The following KCNJ12 variants were observed in gnomAD, a reference collection of about 807,000 sequenced individuals.
KCNJ12 encodes the protein potassium inwardly rectifying channel subfamily J member 12.
A neutral mutation model predicts 22.3 loss-of-function variants in KCNJ12; 2 were observed. The observed-to-expected ratio is 0.09, with a 90% confidence interval of 0.04 to 0.28. The LOEUF is 0.28. KCNJ12 is among the 10% of genes least tolerant of loss of function. The pLI, the probability that KCNJ12 is intolerant of heterozygous loss-of-function variation, is 1.00. For missense variants in KCNJ12, 155 were observed against 633.3 expected (o/e 0.24, Z 8.11); for synonymous variants, 117 against 261.4 (o/e 0.45, Z 5.33).
chr17:21,382,877 C>T (rs1441170438), intron 1 of KCNJ12, among the ~76,000 whole-genome samples: 1 of 152,216 alleles, frequency 6.6e-6, no homozygotes, highest in Non-Finnish European at 1.5e-5. Flanking sequence ...TCTCAGCCCT[C>T]CCTGCCTCCA....
At position 21,379,393 on chromosome 17, in the gene KCNJ12, C is replaced by A. The variant is rs907770602; in HGVS notation, c.-179+2480C>A. Among the ~76,000 whole-genome samples the A allele has an allele frequency of 7.2e-5, 11 of 152,324 alleles. No homozygotes were observed. In the East Asian group the frequency reaches 2.1e-3, roughly 29 times the overall value. The stretch of plus-strand genomic sequence containing the variant: ...GGTACACACGGTGCCCACCCAGTGG[C>A]CACCCTCACCCCCCCTGCTCCCAGG... On this transcript the variant is annotated intron_variant, in intron 1 of 2. Coordinates refer to ENST00000583088, the MANE Select transcript of KCNJ12 (RefSeq NM_021012.5).
chr17:21,399,519 A>G (rs557849715), intron 1 of KCNJ12, among the ~76,000 whole-genome samples: 1 of 152,296 alleles, frequency 6.6e-6, no homozygotes, highest in Admixed American at 6.5e-5. Flanking sequence ...AGTACAGCAC[A>G]GCAGGGGCCA....
chr17:21,406,005 G>A (rs1319871244), intron 1 of KCNJ12, among the ~76,000 whole-genome samples: 4 of 152,286 alleles, frequency 2.6e-5, no homozygotes, highest in Admixed American at 1.3e-4. Context: ...AGGGAGTGAG[G>A]GACGAGGTTG....
At chr17:21,388,756 C>T (rs1409771465) in intron 1 of KCNJ12, among the ~76,000 whole-genome samples, 1 of 152,208 alleles carries the variant, frequency 6.6e-6, no homozygotes, top group Admixed American at 6.5e-5. Context: ...ATGTCCCAGC[C>T]AGGCAAGGAG....
intron 1 of KCNJ12, among the ~76,000 whole-genome samples, chr17:21,377,705 C>T (rs781999205): frequency 1.6e-4 from 25 of 152,234 alleles, no homozygotes; most frequent in Non-Finnish European, 3.4e-4. Flanking sequence ...GAGGCCCAAG[C>T]GAGTGTCTGT....
At chr17:21,406,957 G>T (rs1422272408) in intron 1 of KCNJ12, among the ~76,000 whole-genome samples, 1 of 152,294 alleles carries the variant, frequency 6.6e-6, no homozygotes, top group Non-Finnish European at 1.5e-5. Flanking sequence ...AAGGCAGGGG[G>T]ATCCCTTTGA....
intron 1 of KCNJ12, among the ~76,000 whole-genome samples, chr17:21,397,583 G>A (rs1397879065): frequency 6.6e-6 from 1 of 152,228 alleles, no homozygotes; most frequent in African/African-American, 2.4e-5. Flanking sequence ...ATAAATCATC[G>A]TGGGAGCTGG....
intron 2 of KCNJ12, 77 bp from the exon 3 acceptor site, chr17:21,415,210 G>C (rs577958589): frequency 6.9e-7 from 1 of 1,443,138 alleles, no homozygotes. Flanking sequence ...CTCCAGTCAC[G>C]TCTGGGGGCC....
intron 2 of KCNJ12, among the ~76,000 whole-genome samples, chr17:21,409,403 G>A (rs1361241492): frequency 2.0e-5 from 3 of 152,310 alleles, no homozygotes; most frequent in South Asian, 2.1e-4. Flanking sequence ...TATGAGGAAG[G>A]CCCAGGAGAC....
At chr17:21,378,571 G>C (rs1474474209) in intron 1 of KCNJ12, among the ~76,000 whole-genome samples, 1 of 152,170 alleles carries the variant, frequency 6.6e-6, no homozygotes, top group Admixed American at 6.5e-5. Context: ...CCCTGGAGAC[G>C]AGGAGGGTGG....
In KCNJ12 at chr17:21,416,910, C is replaced by T. The variant is rs1906872572; in HGVS notation, c.*266C>T. The T allele has an allele frequency of 2.0e-5, 11 of 541,460 alleles. No individual in the cohort carries two copies. The highest frequency in any genetic ancestry group is 3.6e-5 in the Non-Finnish European group (11 of 304,350). The allele number at this position is 541,460 out of a possible 1,614,324, so 33.5% of individuals were successfully genotyped here. On this transcript the variant is annotated 3_prime_UTR_variant, in exon 3 of 3. Transcript: ENST00000583088. Reference sequence around the variant, plus strand: ...GGGGGCCAGGCCACGAGGGCCAGGGCTTCTGCCTGAAGATGGAGCTGCAGC... The same window carrying T: ...GGGGGCCAGGCCACGAGGGCCAGGGTTTCTGCCTGAAGATGGAGCTGCAGC...
chr17:21,389,892 A>T (rs1333752774), intron 1 of KCNJ12, among the ~76,000 whole-genome samples: 2 of 152,160 alleles, frequency 1.3e-5, no homozygotes, highest in Non-Finnish European at 2.9e-5. Flanking sequence ...ATGAACCCTG[A>T]GTCCAGCTGT....
At chr17:21,400,140 T>A (rs36033606) in intron 1 of KCNJ12, among the ~76,000 whole-genome samples, 6 of 152,202 alleles carry the variant, frequency 3.9e-5, no homozygotes, top group Non-Finnish European at 7.4e-5. Context: ...GTGCAGCCAG[T>A]GCTTCCAGAC....
intron 2 of KCNJ12, among the ~76,000 whole-genome samples, chr17:21,414,390 G>T (rs368263477): frequency 6.8e-6 from 1 of 146,118 alleles, no homozygotes; most frequent in Non-Finnish European, 1.5e-5. Flanking sequence ...CAGGAGAATC[G>T]CTTGAACCCA....
Position 21,376,504 on chromosome 17 carries a change from A to G in KCNJ12, c.-588A>G, listed in dbSNP as rs995163601. On this transcript the variant is annotated 5_prime_UTR_variant, in exon 1 of 3. Coordinates refer to ENST00000583088, the MANE Select transcript of KCNJ12 (RefSeq NM_021012.5). The surrounding 1 kb of genome is among the most constrained non-coding windows in gnomAD (Gnocchi z 5.3). ...CTGCTGCCGCCTCCCTGGGAACAGTAGCCGGGGGAGGGGGACTGGCGCGGT... is the reference window on the plus strand; with the variant it reads ...CTGCTGCCGCCTCCCTGGGAACAGTGGCCGGGGGAGGGGGACTGGCGCGGT... The G allele has an allele frequency of 8.6e-5, 13 of 151,692 alleles. No homozygotes were observed. Among genetic ancestry groups the G allele is most frequent in the Non-Finnish European group, 1.8e-4 (12 of 67,922 alleles). The allele number at this position is 151,692 out of a possible 1,614,324, so 9.4% of individuals were successfully genotyped here. A position where few individuals can be genotyped will look rare whatever the true frequency, so the allele number is the denominator to read the frequency against.
intron 1 of KCNJ12, among the ~76,000 whole-genome samples, chr17:21,391,595 C>G (rs1905212841): frequency 1.3e-5 from 2 of 152,340 alleles, no homozygotes; most frequent in South Asian, 4.1e-4. Context: ...AGCCCTCTTC[C>G]TCCTCCTCCT....
At chr17:21,410,653 C>T (rs1225767206) in intron 2 of KCNJ12, among the ~76,000 whole-genome samples, 3 of 152,270 alleles carry the variant, frequency 2.0e-5, no homozygotes, top group Non-Finnish European at 2.9e-5. Flanking sequence ...CATCTCATCA[C>T]CACCTGGGAC....
At chr17:21,383,335 G>A (rs953880634) in intron 1 of KCNJ12, among the ~76,000 whole-genome samples, 33 of 152,084 alleles carry the variant, frequency 2.2e-4, no homozygotes, top group African/African-American at 6.0e-4. Flanking sequence ...ACCCCGCCCC[G>A]ACCCTCTGCC....
intron 1 of KCNJ12, among the ~76,000 whole-genome samples, chr17:21,386,653 A>G (rs1905079686): frequency 6.6e-6 from 1 of 152,132 alleles, no homozygotes; most frequent in Admixed American, 6.6e-5. Context: ...GACTACAGGC[A>G]TGCGCCACCA....
Sources: allele counts gnomAD v4.1 joint callset (sites outside exome capture counted in the v4.1 genomes callset), GRCh38; gene constraint gnomAD v4.1.1; non-coding constraint Gnocchi (gnomAD v3.1); transcripts MANE v1.5; gene names NCBI Gene and HGNC (gene_info 2026-07-23, HGNC 2026-07-21).